The following TMEM120B variants were observed in gnomAD, a reference collection of about 807,000 sequenced individuals.
TMEM120B encodes the protein transmembrane protein 120B.
Under a neutral mutation model 55.5 loss-of-function variants are expected in TMEM120B, and 31 were observed. The observed-to-expected ratio is 0.56, with a 90% CI of 0.42 to 0.75. TMEM120B has a LOEUF of 0.75. Ranked by LOEUF, TMEM120B falls within the 30% of genes least tolerant of loss-of-function variation. The pLI, the probability that TMEM120B is intolerant of heterozygous loss-of-function variation, is 0.00. For missense variants in TMEM120B, 399 were observed against 425.5 expected (o/e 0.94, Z 0.55); for synonymous variants, 203 against 176.3 (o/e 1.15, Z -1.20).
At chr12:121,762,440 G>A (rs896558851) in intron 6 of TMEM120B, among the ~76,000 whole-genome samples, 5 of 152,252 alleles carry the variant, frequency 3.3e-5, no homozygotes, top group Non-Finnish European at 7.3e-5. Context: ...CCCAGCAAAC[G>A]GAGCACATTC....
Position 121,776,923 on chromosome 12 carries a change from GACCACAATCACAC to G in TMEM120B, c.*1207_*1219del. On this transcript the variant is annotated 3_prime_UTR_variant, in exon 12 of 12. Coordinates refer to ENST00000449592, the MANE Select transcript of TMEM120B (RefSeq NM_001080825.2). ...CCACCTCAGCCTCTGGAGTAGCTGG[GACCACAATCACAC>G]ACCACCATGCCCTGCTCCTTTTTTT... The G allele has an allele frequency of 6.6e-6, 1 of 151,266 alleles. No individual in the cohort carries two copies. The highest frequency in any genetic ancestry group is 2.4e-5 in the African/African-American group (1 of 41,206). 9.4% of individuals were successfully genotyped at this position (151,266 alleles called of 1,614,324 possible).
chr12:121,719,909 C>T (rs796459788), intron 1 of TMEM120B, among the ~76,000 whole-genome samples: 48 of 152,260 alleles, frequency 3.2e-4, no homozygotes, highest in African/African-American at 1.1e-3. Flanking sequence ...CCATGTTGGC[C>T]AGCTGGTCTC....
intron 1 of TMEM120B, among the ~76,000 whole-genome samples, chr12:121,739,928 G>A (rs1229047288): frequency 1.3e-5 from 2 of 148,314 alleles, no homozygotes; most frequent in African/African-American, 2.5e-5. Context: ...ACAGGTGCCC[G>A]CCACCATGCC....
At chr12:121,768,458 A>G (rs183001226) in intron 6 of TMEM120B, among the ~76,000 whole-genome samples, 7 of 152,266 alleles carry the variant, frequency 4.6e-5, no homozygotes, top group Non-Finnish European at 7.3e-5. Flanking sequence ...GGGAAGAGTG[A>G]TGGTTTAGAT....
intron 6 of TMEM120B, among the ~76,000 whole-genome samples, chr12:121,762,061 G>C (rs1009778129): frequency 1.3e-5 from 2 of 152,156 alleles, no homozygotes; most frequent in Non-Finnish European, 2.9e-5. Context: ...GGGAGGCCGA[G>C]GGGGGCAGAT....
In TMEM120B at chr12:121,779,716, C is replaced by T; in HGVS notation, c.*3994C>T. The T allele has an allele frequency of 6.3e-7, 1 of 1,595,902 alleles. No individual in the cohort carries two copies. Among genetic ancestry groups the T allele is most frequent in the East Asian group, 2.2e-5 (1 of 44,752 alleles). Reference sequence around the variant, plus strand: ...TGAGGGGCCCCTGGAGGTCTCCTAGCACCACCTGGTGGGTTTGGGACTGGC... The same window carrying T: ...TGAGGGGCCCCTGGAGGTCTCCTAGTACCACCTGGTGGGTTTGGGACTGGC... On this transcript the variant is annotated 3_prime_UTR_variant, in exon 12 of 12. Coordinates refer to ENST00000449592, the MANE Select transcript of TMEM120B (RefSeq NM_001080825.2).
chr12:121,726,141 G>A (rs1010859933), intron 1 of TMEM120B, among the ~76,000 whole-genome samples: 10 of 151,944 alleles, frequency 6.6e-5, no homozygotes, highest in Middle Eastern at 3.2e-3. Context: ...AAGAGACACC[G>A]GGGATCTTAT....
chr12:121,765,584 A>G (rs959261257), intron 6 of TMEM120B, among the ~76,000 whole-genome samples: 3 of 152,194 alleles, frequency 2.0e-5, no homozygotes, highest in African/African-American at 7.2e-5. Flanking sequence ...TCTGGGCCCA[A>G]ATAGATGCAT....
chr12:121,716,336 G>A (rs949375701), intron 1 of TMEM120B, among the ~76,000 whole-genome samples: 1 of 151,486 alleles, frequency 6.6e-6, no homozygotes, highest in African/African-American at 2.4e-5. Flanking sequence ...AGATTTGTTG[G>A]GGAACAAGCA....
chr12:121,744,344 G>A (rs180836055), intron 2 of TMEM120B, among the ~76,000 whole-genome samples: 11 of 152,348 alleles, frequency 7.2e-5, no homozygotes, highest in African/African-American at 2.2e-4. Context: ...GCGCCATGCC[G>A]TGTGCTAAGT....
chr12:121,749,861 G>A (rs948789416), intron 3 of TMEM120B, among the ~76,000 whole-genome samples: 1 of 150,436 alleles, frequency 6.6e-6, no homozygotes, highest in Non-Finnish European at 1.5e-5. Flanking sequence ...AGTCCTGATC[G>A]TGCCACTGCA....
At chr12:121,750,907 C>T (rs1873283199) in intron 4 of TMEM120B, among the ~76,000 whole-genome samples, 1 of 110,690 alleles carries the variant, frequency 9.0e-6, no homozygotes, top group Non-Finnish European at 2.0e-5. Flanking sequence ...ACACCCACAC[C>T]CCACACCCCA....
chr12:121,760,725 A>T (rs1030912064), intron 5 of TMEM120B, among the ~76,000 whole-genome samples: 1 of 152,104 alleles, frequency 6.6e-6, no homozygotes, highest in African/African-American at 2.4e-5. Flanking sequence ...GGGTGTGGCC[A>T]ATTATTATTT....
chr12:121,775,973 G>T lies in TMEM120B; in HGVS notation c.*251G>T. 1.7e-6 allele frequency: 1 copy of T among 599,394 alleles called. No individual in the cohort carries two copies. Among genetic ancestry groups the T allele is most frequent in the Non-Finnish European group, 3.0e-6 (1 of 336,016 alleles). The allele number at this position is 599,394 out of a possible 1,614,324, so 37.1% of individuals were successfully genotyped here. A position where few individuals can be genotyped will look rare whatever the true frequency, so the allele number is the denominator to read the frequency against. ...CCGAGGCCTCACTCCTGTGCTTGAA[G>T]GTGGCTGAGGCCGGGCCAGTCTTCC... is the stretch of plus-strand genomic sequence containing the variant. On this transcript the variant is annotated 3_prime_UTR_variant, in exon 12 of 12. Coordinates refer to ENST00000449592, the MANE Select transcript of TMEM120B (RefSeq NM_001080825.2). This position sits in a 1 kb window ranked among gnomAD's most constrained non-coding sequence, Gnocchi z 4.3.
intron 8 of TMEM120B, 147 bp downstream of exon 8, chr12:121,771,696 G>A: frequency 1.2e-6 from 1 of 821,426 alleles, no homozygotes; most frequent in Non-Finnish European, 2.0e-6. Context: ...TCCAGAAGGA[G>A]AGCTGTCCCC....
chr12:121,772,423 C>T (rs1228069516), intron 8 of TMEM120B, among the ~76,000 whole-genome samples: 1 of 151,108 alleles, frequency 6.6e-6, no homozygotes, highest in Non-Finnish European at 1.5e-5. Flanking sequence ...AGCCACCACG[C>T]CGTACCGTTT....
At chr12:121,768,497 C>T (rs914133042) in intron 6 of TMEM120B, among the ~76,000 whole-genome samples, 19 of 152,110 alleles carry the variant, frequency 1.2e-4, no homozygotes, top group Admixed American at 5.9e-4. Flanking sequence ...TGTGCGTATG[C>T]GAGACCCTGC....
At chr12:121,772,455 A>T (rs1295372042) in intron 8 of TMEM120B, among the ~76,000 whole-genome samples, 1 of 102,258 alleles carries the variant, frequency 9.8e-6, no homozygotes, top group Admixed American at 1.1e-4. Context: ...TTTTTTTTTG[A>T]GATGGAGTTT....
chr12:121,779,667 G>GT lies in TMEM120B; in HGVS notation c.*3946dup. 1 of 1,613,664 alleles carries GT rather than the reference G, an allele frequency of 6.2e-7. No individual in the cohort carries two copies. Among genetic ancestry groups the GT allele is most frequent in the East Asian group, 2.2e-5 (1 of 44,880 alleles). On this transcript the variant is annotated 3_prime_UTR_variant, in exon 12 of 12. Transcript: ENST00000449592. ...CTGTTCGCAGGCGCTCAGGCCCTGG[G>GT]TGGGGGGAGGAGCCAGCATTAGGTG...
Sources: allele counts gnomAD v4.1 joint callset (sites outside exome capture counted in the v4.1 genomes callset), GRCh38; gene constraint gnomAD v4.1.1; non-coding constraint Gnocchi (gnomAD v3.1); transcripts MANE v1.5; gene names NCBI Gene and HGNC (gene_info 2026-07-23, HGNC 2026-07-21).